The following SRPK2 variants were observed in gnomAD, a reference collection of about 807,000 sequenced individuals.
The protein encoded by SRPK2 is SFRS protein kinase 2.
A neutral mutation model predicts 90.8 loss-of-function variants in SRPK2; 21 were observed. The ratio of observed to expected loss-of-function variants is 0.23; its 90% CI spans 0.16 to 0.33. The LOEUF (loss-of-function observed/expected upper bound fraction) is 0.33, where lower values mean the gene tolerates loss of function less well. Ranked by LOEUF, SRPK2 falls within the 10% of genes least tolerant of loss-of-function variation. The pLI is 1.00. For synonymous variants in SRPK2, 288 were observed against 311.1 expected (o/e 0.93, Z 0.78); for missense variants, 620 against 869.0 (o/e 0.71, Z 3.60).
At chr7:105,280,947 CAAAAAAAAAAAAAAAAAAAAA>C (rs1158350206) in intron 2 of SRPK2, among the ~76,000 whole-genome samples, 12 of 43,326 alleles carry the variant, frequency 2.8e-4, no homozygotes, top group Admixed American at 8.7e-4. Flanking sequence ...GACTCCATCT[CAAAAAAAAAAAAAAAAAAAAA>C]AAAAAAAAAA....
chr7:105,232,694 A>G (rs1478889750), intron 2 of SRPK2, among the ~76,000 whole-genome samples: 1 of 133,050 alleles, frequency 7.5e-6, no homozygotes, highest in East Asian at 2.0e-4. Flanking sequence ...ATCTCTCCCC[A>G]TTAAAAAAAA....
At chr7:105,387,303 G>A (rs1281842405) in intron 2 of SRPK2, among the ~76,000 whole-genome samples, 2 of 152,144 alleles carry the variant, frequency 1.3e-5, no homozygotes, top group Non-Finnish European at 2.9e-5. Context: ...CCTTACCACT[G>A]GGTAAACTTC....
intron 9 of SRPK2, among the ~76,000 whole-genome samples, chr7:105,144,329 C>T (rs1489491994): frequency 6.6e-6 from 1 of 151,226 alleles, no homozygotes; most frequent in African/African-American, 2.4e-5. Context: ...CAACCGTTAC[C>T]TCCTGGGCTC....
intron 2 of SRPK2, among the ~76,000 whole-genome samples, chr7:105,294,357 A>G (rs1172150611): frequency 6.6e-6 from 1 of 152,108 alleles, no homozygotes; most frequent in Admixed American, 6.6e-5. Flanking sequence ...ATCCAATAAA[A>G]TTTTGTCGAT....
intron 3 of SRPK2, among the ~76,000 whole-genome samples, chr7:105,191,844 G>T (rs894720632): frequency 6.7e-6 from 1 of 148,980 alleles, no homozygotes; most frequent in African/African-American, 2.5e-5. Flanking sequence ...AACCTACACT[G>T]GTTCTTTTTA....
At chr7:105,331,068 G>A (rs1031430272) in intron 2 of SRPK2, among the ~76,000 whole-genome samples, 11 of 151,860 alleles carry the variant, frequency 7.2e-5, no homozygotes, top group African/African-American at 1.5e-4. Context: ...TTGGGAGGCC[G>A]AGGTAGGTGG....
At chr7:105,204,863 T>A (rs1428831359) in intron 2 of SRPK2, 1 of 451,188 alleles carries the variant, frequency 2.2e-6, no homozygotes, top group Non-Finnish European at 4.3e-6. Flanking sequence ...TAAGCCCTAG[T>A]TGTTGAGAGC....
intron 2 of SRPK2, among the ~76,000 whole-genome samples, chr7:105,354,639 C>G (rs997870211): frequency 2.0e-5 from 3 of 152,196 alleles, no homozygotes; most frequent in Admixed American, 1.3e-4. Flanking sequence ...AGCCCATACT[C>G]CTCTGTCCAG....
intron 2 of SRPK2, among the ~76,000 whole-genome samples, chr7:105,353,673 T>C (rs542736884): frequency 2.0e-5 from 3 of 152,230 alleles, no homozygotes; most frequent in African/African-American, 7.2e-5. Flanking sequence ...ATCAGGCCCA[T>C]GTTCCTGAAT....
chr7:105,240,818 T>C (rs563657795), intron 2 of SRPK2, among the ~76,000 whole-genome samples: 1 of 152,304 alleles, frequency 6.6e-6, no homozygotes, highest in East Asian at 1.9e-4. Flanking sequence ...GCCTTCAATT[T>C]CCACAAATAA....
At chr7:105,266,945 A>G (rs948105970) in intron 2 of SRPK2, among the ~76,000 whole-genome samples, 1 of 152,200 alleles carries the variant, frequency 6.6e-6, no homozygotes, top group African/African-American at 2.4e-5. Flanking sequence ...AACAACTTCT[A>G]TGTTTGCAAA....
chr7:105,327,616 A>G (rs150062692), intron 2 of SRPK2, among the ~76,000 whole-genome samples: 1 of 152,340 alleles, frequency 6.6e-6, no homozygotes, highest in East Asian at 1.9e-4. Context: ...CCACAGCCAG[A>G]TAACAAGATA....
chr7:105,161,411 G>A (rs1807640092), intron 6 of SRPK2, among the ~76,000 whole-genome samples: 1 of 152,182 alleles, frequency 6.6e-6, no homozygotes, highest in South Asian at 2.1e-4. Context: ...AGGGCTAAGT[G>A]TACTTACTCT....
At chr7:105,195,212 G>C (rs976528692) in intron 3 of SRPK2, among the ~76,000 whole-genome samples, 3 of 152,150 alleles carry the variant, frequency 2.0e-5, no homozygotes, top group African/African-American at 7.2e-5. Context: ...ACCGTGCCCG[G>C]CTAATTTTTT....
intron 2 of SRPK2, 24 bp downstream of exon 2, chr7:105,388,624 G>A (rs1211379814): frequency 7.0e-6 from 11 of 1,564,958 alleles, no homozygotes; most frequent in African/African-American, 1.4e-5. Flanking sequence ...GTGGGGAACG[G>A]GGACAGGCGC....
At chr7:105,344,637 G>A (rs1195921299) in intron 2 of SRPK2, among the ~76,000 whole-genome samples, 1 of 151,844 alleles carries the variant, frequency 6.6e-6, no homozygotes, top group Non-Finnish European at 1.5e-5. Context: ...ACACATGACA[G>A]GCTATATCTG....
chr7:105,170,783 G>GGAAGGAA (rs1192869352), intron 3 of SRPK2, among the ~76,000 whole-genome samples: 1 of 80,014 alleles, frequency 1.2e-5, no homozygotes, highest in Admixed American at 1.3e-4. Context: ...AAGGAAGGAC[G>GGAAGGAA]GGAGGGAGGG....
At chr7:105,240,236 T>A (rs1800639761) in intron 2 of SRPK2, among the ~76,000 whole-genome samples, 1 of 152,140 alleles carries the variant, frequency 6.6e-6, no homozygotes, top group Non-Finnish European at 1.5e-5. Flanking sequence ...GTCCTCTTTA[T>A]AAGGATACTC....
chr7:105,371,941 T>A (rs1819736141), intron 2 of SRPK2, among the ~76,000 whole-genome samples: 1 of 152,036 alleles, frequency 6.6e-6, no homozygotes, highest in Non-Finnish European at 1.5e-5. Context: ...GAGACCATTC[T>A]GGCTATCACG....
Sources: gnomAD v4.1 joint callset for allele counts (sites outside exome capture counted in the v4.1 genomes callset) on GRCh38, gnomAD v4.1.1 for gene constraint, MANE v1.5 for transcripts, NCBI Gene and HGNC (gene_info 2026-07-23, HGNC 2026-07-21) for gene names.